Variants in CEP112 observed in about 807,000 individuals in gnomAD.
CEP112 encodes centrosomal protein of 112 kDa.
In CEP112, 127 loss-of-function variants were observed where a neutral mutation model predicts 153.0. That is an observed-to-expected ratio of 0.83 (90% CI 0.72 to 0.96). The LOEUF (loss-of-function observed/expected upper bound fraction) is 0.96. Ranked by LOEUF, CEP112 falls within the 40% of genes least tolerant of loss-of-function variation. CEP112 has a pLI of 0.00. For missense variants in CEP112, 1,089 were observed against 1,101.2 expected, an observed-to-expected ratio of 0.99 and a Z score of 0.16; for synonymous variants, 358 against 374.4, an observed-to-expected ratio of 0.96 and a Z score of 0.51.
intron 8 of CEP112, among the ~76,000 whole-genome samples, chr17:66,079,466 G>A (rs2067632161): frequency 6.6e-6 from 1 of 152,080 alleles, no homozygotes; most frequent in African/African-American, 2.4e-5. Flanking sequence ...TTGAGCAAAA[G>A]AAGCAAGACA....
chr17:66,150,905 C>G (rs1406640165), intron 4 of CEP112, among the ~76,000 whole-genome samples: 1 of 152,146 alleles, frequency 6.6e-6, no homozygotes, highest in Non-Finnish European at 1.5e-5. Flanking sequence ...ATCATTACAT[C>G]ATGCTTATGA....
intron 2 of CEP112, 23 bp from the exon 3 acceptor site, chr17:66,177,043 AG>A (rs752751439): frequency 6.4e-7 from 1 of 1,559,848 alleles, no homozygotes; most frequent in Non-Finnish European, 8.6e-7. Context: ...AAGAACTATT[AG>A]AAATTTTATT....
chr17:66,007,735 G>A (rs1318894612), intron 16 of CEP112, among the ~76,000 whole-genome samples: 1 of 152,130 alleles, frequency 6.6e-6, no homozygotes, highest in South Asian at 2.1e-4. Flanking sequence ...GTGAAAGGGT[G>A]GGGGAAGGAC....
rs956190287 is a variant in CEP112, at chr17:65,871,622, G to A, written c.2164-19588C>T. ...TGCACTCCAGCCTGGGTGACAGAGC[G>A]AGACTCCGTCTCAATAAATAAATTA... On this transcript the variant is annotated intron_variant, in intron 20 of 26. Transcript: ENST00000535342. Among the ~76,000 whole-genome samples, 7 of 152,244 alleles carry A rather than the reference G, an allele frequency of 4.6e-5. No homozygotes were observed. In the East Asian group the frequency reaches 9.7e-4, roughly 21 times the overall value.
At chr17:65,976,023 G>C (rs138014885) in intron 17 of CEP112, among the ~76,000 whole-genome samples, 3 of 152,344 alleles carry the variant, frequency 2.0e-5, no homozygotes, top group African/African-American at 7.2e-5. Context: ...GACCTATAAA[G>C]TAAGCTCTTC....
At chr17:66,020,454 T>C (rs1238734380) in intron 16 of CEP112, among the ~76,000 whole-genome samples, 2 of 152,222 alleles carry the variant, frequency 1.3e-5, no homozygotes, top group African/African-American at 4.8e-5. Context: ...CTATGTCTAA[T>C]TCATCCTCAA....
intron 17 of CEP112, among the ~76,000 whole-genome samples, chr17:65,969,778 T>C (rs1247691189): frequency 6.6e-6 from 1 of 152,208 alleles, no homozygotes; most frequent in Non-Finnish European, 1.5e-5. Context: ...ATCACATAGA[T>C]GCATATTACA....
At chr17:66,073,719 G>A (rs537335214) in intron 8 of CEP112, among the ~76,000 whole-genome samples, 37 of 152,300 alleles carry the variant, frequency 2.4e-4, no homozygotes, top group African/African-American at 8.4e-4. Context: ...GTCCCATGGT[G>A]TTGGATAATA....
chr17:66,151,239 A>G (rs1353482669), intron 4 of CEP112, among the ~76,000 whole-genome samples: 1 of 152,138 alleles, frequency 6.6e-6, no homozygotes, highest in Non-Finnish European at 1.5e-5. Flanking sequence ...TGGTTTTGTC[A>G]CAGCTCTTCT....
At chr17:65,716,380 C>T (rs985344014) in intron 23 of CEP112, among the ~76,000 whole-genome samples, 9 of 152,016 alleles carry the variant, frequency 5.9e-5, no homozygotes, top group Non-Finnish European at 2.9e-5. Context: ...AGTCTGGTCT[C>T]GAACGGCTGA....
intron 4 of CEP112, among the ~76,000 whole-genome samples, chr17:66,147,593 C>T (rs1291369332): frequency 1.3e-5 from 2 of 152,052 alleles, no homozygotes; most frequent in Non-Finnish European, 2.9e-5. Context: ...ACTGCCAAGA[C>T]CAATGTCATA....
At chr17:66,144,007 G>A (rs2070818591) in intron 4 of CEP112, among the ~76,000 whole-genome samples, 1 of 152,082 alleles carries the variant, frequency 6.6e-6, no homozygotes, top group Non-Finnish European at 1.5e-5. Context: ...GTGAGTGTGT[G>A]GGAAAGAATA....
chr17:65,879,344 G>T (rs2058969738), intron 20 of CEP112, among the ~76,000 whole-genome samples: 1 of 152,164 alleles, frequency 6.6e-6, no homozygotes, highest in Non-Finnish European at 1.5e-5. Context: ...GGAAAGTCAA[G>T]GAAACATACT....
intron 23 of CEP112, among the ~76,000 whole-genome samples, chr17:65,712,719 A>G (rs2049264609): frequency 6.6e-6 from 1 of 152,180 alleles, no homozygotes; most frequent in Admixed American, 6.5e-5. Context: ...AAATAGTACT[A>G]GAAAGTAAGT....
At chr17:65,638,056 G>T (rs1307432435) in intron 25 of CEP112, among the ~76,000 whole-genome samples, 1 of 152,148 alleles carries the variant, frequency 6.6e-6, no homozygotes, top group Non-Finnish European at 1.5e-5. Context: ...TGTGAAATGG[G>T]ATTAATGACA....
intron 21 of CEP112, among the ~76,000 whole-genome samples, chr17:65,831,098 A>C (rs1015552758): frequency 6.6e-6 from 1 of 152,236 alleles, no homozygotes; most frequent in African/African-American, 2.4e-5. Flanking sequence ...CGTGCATAAA[A>C]TAGAGAAAGT....
intron 3 of CEP112, 49 bp downstream of exon 3, chr17:66,176,781 C>CT (rs763100736): frequency 5.1e-5 from 72 of 1,412,216 alleles, no homozygotes; most frequent in African/African-American, 8.6e-5. Flanking sequence ...TAACTTGACG[C>CT]TTTTTTTTAA....
At chr17:66,047,772 A>T (rs2066274746) in intron 12 of CEP112, among the ~76,000 whole-genome samples, 1 of 152,184 alleles carries the variant, frequency 6.6e-6, no homozygotes, top group African/African-American at 2.4e-5. Context: ...AAAGTTTGAG[A>T]CTCAGGAATA....
chr17:65,757,624 A>G (rs2052365637), intron 21 of CEP112, among the ~76,000 whole-genome samples: 1 of 152,234 alleles, frequency 6.6e-6, no homozygotes, highest in Non-Finnish European at 1.5e-5. Context: ...AATACTTTAG[A>G]GAATACGAGT....
Sources: gnomAD v4.1 joint callset for allele counts (sites outside exome capture counted in the v4.1 genomes callset) on GRCh38, gnomAD v4.1.1 for gene constraint, MANE v1.5 for transcripts, NCBI Gene and HGNC (gene_info 2026-07-23, HGNC 2026-07-21) for gene names.